The following CNTNAP2 variants were observed in gnomAD, a reference collection of about 807,000 sequenced individuals.
The protein encoded by CNTNAP2 is contactin-associated protein-like 2.
CNTNAP2 carries 98 observed loss-of-function variants against 155.2 expected under a neutral mutation model. The observed-to-expected ratio is 0.63, with a 90% CI of 0.54 to 0.75. The LOEUF (loss-of-function observed/expected upper bound fraction) is 0.75. CNTNAP2 is among the 30% of genes least tolerant of loss of function. CNTNAP2 has a pLI of 0.00. For missense variants in CNTNAP2, 1,727 were observed against 1,688.1 expected (o/e 1.02, Z -0.40); for synonymous variants, 651 against 631.2 (o/e 1.03, Z -0.47).
chr7:147,117,608 C>T (rs113833233), intron 5 of CNTNAP2, among the ~76,000 whole-genome samples: 1 of 152,112 alleles, frequency 6.6e-6, no homozygotes, highest in African/African-American at 2.4e-5. Context: ...CCCTGTCTCA[C>T]CTGTTTCTCT....
intron 3 of CNTNAP2, among the ~76,000 whole-genome samples, chr7:147,022,537 ATATG>A (rs1206309963): frequency 6.6e-6 from 1 of 151,904 alleles, no homozygotes; most frequent in African/African-American, 2.4e-5. Flanking sequence ...ATTGTACTAT[ATATG>A]TGTTTATGTA....
At chr7:147,048,067 A>ATTTT (rs11352009) in intron 4 of CNTNAP2, among the ~76,000 whole-genome samples, 13 of 90,360 alleles carry the variant, frequency 1.4e-4, no homozygotes, top group East Asian at 6.8e-4. Context: ...CGGAGAGACA[A>ATTTT]TTTTTTTTTT....
chr7:146,967,903 T>A (rs1341242779), intron 3 of CNTNAP2, among the ~76,000 whole-genome samples: 1 of 151,630 alleles, frequency 6.6e-6, no homozygotes, highest in Non-Finnish European at 1.5e-5. Flanking sequence ...TCAAAGGGAG[T>A]GCTTCCAGTT....
intron 15 of CNTNAP2, among the ~76,000 whole-genome samples, chr7:148,080,846 T>G (rs1010968080): frequency 6.6e-6 from 1 of 152,166 alleles, no homozygotes; most frequent in African/African-American, 2.4e-5. Flanking sequence ...TGTTTGCAGA[T>G]GAGGAAGTGC....
At chr7:147,305,736 A>T (rs543896926) in intron 9 of CNTNAP2, among the ~76,000 whole-genome samples, 2 of 152,278 alleles carry the variant, frequency 1.3e-5, no homozygotes, top group East Asian at 3.9e-4. Context: ...TTTTCTAGGG[A>T]TGCCGTATCA....
intron 13 of CNTNAP2, among the ~76,000 whole-genome samples, chr7:147,857,817 T>A (rs373063503): frequency 3.3e-5 from 5 of 152,318 alleles, no homozygotes; most frequent in African/African-American, 1.2e-4. Flanking sequence ...TGAATATACA[T>A]CTCTAATACA....
At chr7:147,988,325 A>C (rs965088363) in intron 15 of CNTNAP2, among the ~76,000 whole-genome samples, 5 of 152,194 alleles carry the variant, frequency 3.3e-5, no homozygotes, top group African/African-American at 1.2e-4. Context: ...GGTCTAGAAG[A>C]AAGAGATCTA....
intron 11 of CNTNAP2, among the ~76,000 whole-genome samples, chr7:147,527,265 C>T (rs1023202860): frequency 1.3e-5 from 2 of 151,820 alleles, no homozygotes; most frequent in African/African-American, 2.4e-5. Context: ...CCTTGTGATC[C>T]GCCCACCTCG....
At chr7:148,308,623 C>T (rs1392952586) in intron 21 of CNTNAP2, among the ~76,000 whole-genome samples, 1 of 151,288 alleles carries the variant, frequency 6.6e-6, no homozygotes, top group Non-Finnish European at 1.5e-5. Context: ...ATGTACGGAA[C>T]GTGCAGTTTT....
chr7:146,995,081 A>C (rs1451770289), intron 3 of CNTNAP2, among the ~76,000 whole-genome samples: 1 of 152,080 alleles, frequency 6.6e-6, no homozygotes, highest in Non-Finnish European at 1.5e-5. Flanking sequence ...GAGTGAGATC[A>C]TGTGACATTT....
At chr7:146,551,369 A>C (rs1236597152) in intron 1 of CNTNAP2, among the ~76,000 whole-genome samples, 6 of 151,834 alleles carry the variant, frequency 4.0e-5, no homozygotes, top group Non-Finnish European at 8.8e-5. Flanking sequence ...ATTCCCACCT[A>C]TGAGTGAGAA....
chr7:147,609,359 G>A (rs6952159), intron 12 of CNTNAP2, among the ~76,000 whole-genome samples: 103,919 of 151,736 alleles, frequency 0.68, 36,012 homozygotes, highest in African/African-American at 0.78. Flanking sequence ...GTGAAACCCC[G>A]TCTCCACTAA....
intron 1 of CNTNAP2, among the ~76,000 whole-genome samples, chr7:146,337,481 C>T (rs1801297009): frequency 6.6e-6 from 1 of 152,108 alleles, no homozygotes; most frequent in Admixed American, 6.6e-5. Context: ...TTTTTAGAGA[C>T]AGCGTCTAGC....
intron 13 of CNTNAP2, among the ~76,000 whole-genome samples, chr7:147,778,296 GATT>G (rs1213463987): frequency 6.6e-6 from 1 of 152,202 alleles, no homozygotes; most frequent in Non-Finnish European, 1.5e-5. Flanking sequence ...AAAGAAGATA[GATT>G]ATTTGTTGAA....
intron 1 of CNTNAP2, among the ~76,000 whole-genome samples, chr7:146,624,433 GTTATTT>G (rs1371028352): frequency 1.3e-5 from 2 of 151,504 alleles, no homozygotes; most frequent in African/African-American, 4.8e-5. Flanking sequence ...GTTGGTGTCT[GTTATTT>G]TTATTTTAAT....
intron 1 of CNTNAP2, among the ~76,000 whole-genome samples, chr7:146,433,509 T>C (rs1286029754): frequency 6.6e-6 from 1 of 152,154 alleles, no homozygotes; most frequent in African/African-American, 2.4e-5. Context: ...CTTTTCATAA[T>C]ATAAACTCAA....
At chr7:148,144,007 A>G (rs558726824) in intron 16 of CNTNAP2, among the ~76,000 whole-genome samples, 1 of 152,312 alleles carries the variant, frequency 6.6e-6, no homozygotes, top group South Asian at 2.1e-4. Context: ...GGCTGTCCTT[A>G]TGCAAAGTGC....
At chr7:147,005,552 G>A (rs544267936) in intron 3 of CNTNAP2, among the ~76,000 whole-genome samples, 1 of 152,050 alleles carries the variant, frequency 6.6e-6, no homozygotes, top group Non-Finnish European at 1.5e-5. Context: ...ACATGGCTTA[G>A]AGATTAGGCC....
chr7:146,743,490 C>G (rs879124280), intron 1 of CNTNAP2, among the ~76,000 whole-genome samples: 3 of 152,004 alleles, frequency 2.0e-5, no homozygotes, highest in Admixed American at 2.0e-4. Flanking sequence ...TTGTGTTTAG[C>G]TAAATAGTCA....
Sources: allele counts gnomAD v4.1 joint callset (sites outside exome capture counted in the v4.1 genomes callset), GRCh38; gene constraint gnomAD v4.1.1; transcripts MANE v1.5; gene names NCBI Gene and HGNC (gene_info 2026-07-23, HGNC 2026-07-21).